SYTL5: variants seen among roughly 807,000 people sequenced by gnomAD.
SYTL5 encodes synaptotagmin like 5, also known as synaptotagmin-like protein 5.
Under a neutral mutation model 55.9 loss-of-function variants are expected in SYTL5, and 34 were observed. The observed-to-expected ratio is 0.61, with a 90% CI of 0.46 to 0.81. The LOEUF is 0.81. SYTL5 is among the 30% of genes least tolerant of loss of function. The pLI is 0.00. For missense variants in SYTL5, 637 were observed against 546.7 expected (o/e 1.17, Z -1.65); for synonymous variants, 221 against 188.7 (o/e 1.17, Z -1.40).
At chrX:38,125,166 C>A in intron 15 of SYTL5, 132 bp from the exon 16 acceptor site, 1 of 511,054 alleles carries the variant, frequency 2.0e-6, no homozygotes, top group Non-Finnish European at 3.2e-6. Context: ...TAAGTCAGTT[C>A]ACTATATAAA....
intron 1 of SYTL5, among the ~76,000 whole-genome samples, chrX:38,018,663 C>T (rs767100237): frequency 2.7e-5 from 3 of 111,588 alleles, no homozygotes; most frequent in African/African-American, 9.8e-5. Context: ...GAATCAGGCT[C>T]TCTGGAGATA....
chrX:37,976,927 G>A, the SYTL5 span, among the ~76,000 whole-genome samples: 2 of 110,796 alleles, frequency 1.8e-5, no homozygotes, highest in Admixed American at 9.5e-5. Flanking sequence ...TTGCACCACC[G>A]CACTCCAACC....
the SYTL5 span, chrX:37,991,172 C>T: frequency 8.3e-7 from 1 of 1,209,597 alleles, no homozygotes; most frequent in Non-Finnish European, 1.1e-6. Context: ...ATGAGATGCC[C>T]AAATCCAGGA....
At chrX:38,115,267 G>A (rs1937456369) in intron 13 of SYTL5, among the ~76,000 whole-genome samples, 1 of 102,486 alleles carries the variant, frequency 9.8e-6, no homozygotes, top group Non-Finnish European at 2.0e-5. Flanking sequence ...GGCGGATCAC[G>A]AGGTCAGGAG....
At chrX:38,118,169 G>A (rs1024205432) in intron 13 of SYTL5, among the ~76,000 whole-genome samples, 2 of 111,492 alleles carry the variant, frequency 1.8e-5, no homozygotes, top group Non-Finnish European at 3.8e-5. Flanking sequence ...ATATTAGATG[G>A]ATAGTCTATT....
At chrX:38,011,914 T>C (rs752624148) in intron 1 of SYTL5, among the ~76,000 whole-genome samples, 1 of 111,466 alleles carries the variant, frequency 9.0e-6, no homozygotes, top group East Asian at 2.8e-4. Flanking sequence ...AAGCGTTAGC[T>C]ACAAAAATAA....
chrX:38,035,057 A>G (rs1453413670), intron 2 of SYTL5, among the ~76,000 whole-genome samples: 1 of 112,199 alleles, frequency 8.9e-6, no homozygotes, highest in East Asian at 2.8e-4. Context: ...GATCTTTAGA[A>G]ATGGAAATAA....
At chrX:37,956,680 A>G in the SYTL5 span, among the ~76,000 whole-genome samples, 1 of 111,565 alleles carries the variant, frequency 9.0e-6, no homozygotes, top group Admixed American at 9.6e-5. Flanking sequence ...TTTTTTATCT[A>G]TTTATCTCTA....
chrX:38,010,875 T>C (rs1043740960), intron 1 of SYTL5, among the ~76,000 whole-genome samples: 17 of 112,269 alleles, frequency 1.5e-4, no homozygotes, highest in Non-Finnish European at 3.0e-4. Context: ...GTGCCTTAAA[T>C]TTTTTAACTC....
chrX:37,925,596 G>C, the SYTL5 span, among the ~76,000 whole-genome samples: 8 of 110,902 alleles, frequency 7.2e-5, 1 homozygote, highest in East Asian at 2.0e-3. Flanking sequence ...ATCTCATTTT[G>C]GTTTTGGTTT....
At position 38,089,552 on chromosome X, in the gene SYTL5, C is replaced by G; in HGVS notation, c.796C>G (p.Pro266Ala). 8.3e-7 allele frequency: 1 copy of G among 1,210,661 alleles called. No homozygotes were observed. Among genetic ancestry groups the G allele is most frequent in the Non-Finnish European group, 1.1e-6 (1 of 895,077 alleles). The change falls in exon 7 of 17, where the codon CCA becomes GCA. Residue 266 changes from proline (P) to alanine (A), a missense_variant. Pro to Ala is a conservative substitution (Grantham distance 27). Coordinates refer to ENST00000297875, the MANE Select transcript of SYTL5 (RefSeq NM_138780.3). ...CCCAGGCACTCAGAGTTCACCAGCC[C>G]CAAGCACACGAACTGTGACCTCAGT... is the stretch of plus-strand genomic sequence containing the variant. The part of the protein sequence containing the change: ...VTPGTQSSPA[P>A]STRTVTSVIS...
intron 13 of SYTL5, among the ~76,000 whole-genome samples, chrX:38,112,596 T>C (rs1937383532): frequency 8.9e-6 from 1 of 112,577 alleles, no homozygotes; most frequent in Non-Finnish European, 1.9e-5. Context: ...TCCTCTGTTC[T>C]ATATAGAAGA....
intron 2 of SYTL5, among the ~76,000 whole-genome samples, chrX:38,042,019 G>A (rs1935301033): frequency 9.1e-6 from 1 of 109,504 alleles, no homozygotes. Context: ...CATTTTCTTG[G>A]GGGTTTGAAA....
At chrX:38,050,616 T>TA (rs201823212) in intron 2 of SYTL5, among the ~76,000 whole-genome samples, 20 of 107,703 alleles carry the variant, frequency 1.9e-4, no homozygotes, top group East Asian at 2.9e-4. Flanking sequence ...AAACTAAAAT[T>TA]AAAAAAAAAA....
At chrX:37,908,903 A>T in the SYTL5 span, among the ~76,000 whole-genome samples, 2 of 111,721 alleles carry the variant, frequency 1.8e-5, no homozygotes, top group Non-Finnish European at 3.8e-5. Context: ...GAGGAAAAAA[A>T]ACTGATGAGT....
the SYTL5 span, among the ~76,000 whole-genome samples, chrX:37,997,071 A>G: frequency 8.9e-6 from 1 of 112,777 alleles, no homozygotes; most frequent in Non-Finnish European, 1.9e-5. Flanking sequence ...GTCTCGGTAT[A>G]TATGTGGCTA....
intron 2 of SYTL5, among the ~76,000 whole-genome samples, chrX:38,052,381 A>G (rs73632448): frequency 0.055 from 6,146 of 111,688 alleles, 153 homozygotes; most frequent in Middle Eastern, 0.11. Flanking sequence ...TTTCCTCAAT[A>G]CCAGAATGCC....
At chrX:38,126,068 T>C (rs1049939203) in intron 16 of SYTL5, among the ~76,000 whole-genome samples, 2 of 112,098 alleles carry the variant, frequency 1.8e-5, no homozygotes, top group Non-Finnish European at 3.8e-5. Context: ...ATTACAGTAG[T>C]AGAGCACGTG....
At chrX:37,988,931 T>C in the SYTL5 span, among the ~76,000 whole-genome samples, 1 of 111,968 alleles carries the variant, frequency 8.9e-6, no homozygotes, top group Non-Finnish European at 1.9e-5. Flanking sequence ...TTTTTATTGC[T>C]GTTTATAGTA....
Sources: gnomAD v4.1 joint callset for allele counts (sites outside exome capture counted in the v4.1 genomes callset) on GRCh38, gnomAD v4.1.1 for gene constraint, MANE v1.5 for transcripts, NCBI Gene and HGNC (gene_info 2026-07-23, HGNC 2026-07-21) for gene names.